Variants in CADM2 observed in about 807,000 individuals in gnomAD.
CADM2 encodes immunoglobulin superfamily member 4D.
CADM2 carries 12 observed loss-of-function variants against 49.8 expected under a neutral mutation model. The observed-to-expected ratio is 0.24, with a 90% CI of 0.15 to 0.39. CADM2 has a LOEUF of 0.39. Among genes scored for constraint, CADM2 ranks in the 10% least tolerant of loss-of-function variants. CADM2 has a pLI of 1.00. For synonymous variants in CADM2, 214 were observed against 175.4 expected, an observed-to-expected ratio of 1.22 and a Z score of -1.74; for missense variants, 378 against 492.3, an observed-to-expected ratio of 0.77 and a Z score of 2.20.
intron 1 of CADM2, among the ~76,000 whole-genome samples, chr3:85,429,087 G>A (rs1159439303): frequency 6.6e-6 from 1 of 151,980 alleles, no homozygotes; most frequent in East Asian, 1.9e-4. Flanking sequence ...TCATTTGAGA[G>A]TTCAGCGAAT....
In CADM2 at chr3:85,623,255, A is replaced by G. The variant is rs537191658; in HGVS notation, c.62-103267A>G. On this transcript the variant is annotated intron_variant, in intron 1 of 9. Coordinates refer to ENST00000383699, the MANE Select transcript of CADM2 (RefSeq NM_001167675.2). The stretch of plus-strand genomic sequence containing the variant: ...ATCATTACTCATTTTCTAAATTTCT[A>G]GATGGTATTAATCTCATGGCATTTG... Among the ~76,000 whole-genome samples the G allele has an allele frequency of 9.2e-5, 14 of 152,252 alleles. No individual in the cohort carries two copies. The East Asian group carries it at 1.5e-3, about 17-fold the overall frequency.
At chr3:85,131,186 G>GA (rs1228319262) in intron 1 of CADM2, among the ~76,000 whole-genome samples, 77 of 143,812 alleles carry the variant, frequency 5.4e-4, no homozygotes, top group Middle Eastern at 3.4e-3. Context: ...TCTCAGAAAA[G>GA]AAAAAAAAAA....
intron 8 of CADM2, among the ~76,000 whole-genome samples, chr3:85,974,427 A>G (rs938093036): frequency 1.3e-5 from 2 of 151,632 alleles, no homozygotes; most frequent in South Asian, 2.1e-4. Context: ...AAAAATTAAT[A>G]AAACAAGCCA....
At chr3:86,016,365 A>G (rs1732231625) in intron 8 of CADM2, among the ~76,000 whole-genome samples, 4 of 152,190 alleles carry the variant, frequency 2.6e-5, no homozygotes, top group African/African-American at 9.6e-5. Context: ...GTACCAATCT[A>G]TCTCTTAAAA....
intron 2 of CADM2, among the ~76,000 whole-genome samples, chr3:85,792,060 G>T (rs2071370272): frequency 6.6e-6 from 1 of 152,042 alleles, no homozygotes; most frequent in Non-Finnish European, 1.5e-5. Context: ...AACTTATTTT[G>T]TATCTCCTGA....
intron 1 of CADM2, among the ~76,000 whole-genome samples, chr3:85,326,937 G>A (rs1472274621): frequency 1.3e-5 from 2 of 150,986 alleles, no homozygotes; most frequent in Non-Finnish European, 2.9e-5. Flanking sequence ...TTCAGAGAAA[G>A]ATTAGATCAA....
chr3:85,925,544 C>T (rs975024020), intron 6 of CADM2, among the ~76,000 whole-genome samples: 1 of 152,120 alleles, frequency 6.6e-6, no homozygotes, highest in East Asian at 1.9e-4. Flanking sequence ...CAGGAAAAAA[C>T]GAGAATCAGA....
At chr3:85,535,216 A>G (rs1019042761) in intron 1 of CADM2, among the ~76,000 whole-genome samples, 2 of 152,018 alleles carry the variant, frequency 1.3e-5, no homozygotes, top group Non-Finnish European at 2.9e-5. Flanking sequence ...CTGCCATTCA[A>G]TCTACACACC....
chr3:85,615,671 C>T (rs1246151620), intron 1 of CADM2, among the ~76,000 whole-genome samples: 1 of 151,400 alleles, frequency 6.6e-6, no homozygotes, highest in African/African-American at 2.4e-5. Flanking sequence ...CCTTTAAACT[C>T]AGGATAGCAT....
At chr3:85,424,976 T>C (rs2036334955) in intron 1 of CADM2, among the ~76,000 whole-genome samples, 1 of 152,096 alleles carries the variant, frequency 6.6e-6, no homozygotes, top group African/African-American at 2.4e-5. Context: ...AATGAGAACC[T>C]CAAGACTCAA....
Position 85,506,009 on chromosome 3 carries a change from A to G in CADM2, c.62-220513A>G, listed in dbSNP as rs890028541. 1.1e-4 allele frequency among the ~76,000 whole-genome samples: 16 copies of G among 152,170 alleles called. 1 individual carries two copies. Among genetic ancestry groups the G allele is most frequent in the African/African-American group, 3.9e-4 (16 of 41,428 alleles). On this transcript the variant is annotated intron_variant, in intron 1 of 9. Coordinates refer to ENST00000383699, the MANE Select transcript of CADM2 (RefSeq NM_001167675.2). ...CAGTCCTTCTTTTTTAGAATAGTCA[A>G]ATCTGATCCTTTTGTTTGATAAGGC...
At chr3:85,505,695 T>G (rs2040320661) in intron 1 of CADM2, among the ~76,000 whole-genome samples, 1 of 152,188 alleles carries the variant, frequency 6.6e-6, no homozygotes, top group Admixed American at 6.5e-5. Flanking sequence ...ATACAAACTT[T>G]TATCTGTGTA....
intron 1 of CADM2, among the ~76,000 whole-genome samples, chr3:85,288,498 T>C: frequency 6.6e-6 from 1 of 152,126 alleles, no homozygotes; most frequent in East Asian, 1.9e-4. Context: ...CTTATTAAAA[T>C]AATAATATTA....
At chr3:85,073,483 T>C (rs2107479368) in intron 1 of CADM2, among the ~76,000 whole-genome samples, 1 of 152,222 alleles carries the variant, frequency 6.6e-6, no homozygotes, top group East Asian at 1.9e-4. Context: ...GTTAAAAAGA[T>C]AAAACCAAAA....
chr3:85,232,767 A>G (rs1047851490), intron 1 of CADM2, among the ~76,000 whole-genome samples: 19 of 152,310 alleles, frequency 1.2e-4, no homozygotes, highest in Middle Eastern at 3.4e-3. Context: ...GATGTGGAGC[A>G]ATACTGACTC....
At chr3:85,081,478 A>T (rs1304496315) in intron 1 of CADM2, among the ~76,000 whole-genome samples, 2 of 152,226 alleles carry the variant, frequency 1.3e-5, no homozygotes, top group Non-Finnish European at 2.9e-5. Flanking sequence ...TATAAGATTC[A>T]TAAACTTTGG....
At chr3:85,103,705 T>G (rs1451386702) in intron 1 of CADM2, among the ~76,000 whole-genome samples, 3 of 152,140 alleles carry the variant, frequency 2.0e-5, no homozygotes, top group African/African-American at 7.2e-5. Flanking sequence ...TTTGGACATC[T>G]GGCAAGGGGG....
intron 1 of CADM2, among the ~76,000 whole-genome samples, chr3:85,205,551 C>T (rs2041611721): frequency 1.3e-5 from 2 of 151,618 alleles, no homozygotes; most frequent in East Asian, 1.9e-4. Flanking sequence ...ATAAGAGACA[C>T]TAAAATCAAA....
At chr3:85,943,033 G>A (rs1722148521) in intron 7 of CADM2, among the ~76,000 whole-genome samples, 1 of 152,014 alleles carries the variant, frequency 6.6e-6, no homozygotes, top group Admixed American at 6.6e-5. Flanking sequence ...CATTCTAACT[G>A]GTGTGAGATG....
Sources: gnomAD v4.1 joint callset for allele counts (sites outside exome capture counted in the v4.1 genomes callset) on GRCh38, gnomAD v4.1.1 for gene constraint, MANE v1.5 for transcripts, NCBI Gene and HGNC (gene_info 2026-07-23, HGNC 2026-07-21) for gene names.